The following PDE4B variants were observed in gnomAD, a reference collection of about 807,000 sequenced individuals.
PDE4B encodes the protein phosphodiesterase 4B, also known as 3',5'-cyclic-AMP phosphodiesterase 4B.
In PDE4B, 20 loss-of-function variants were observed where a neutral mutation model predicts 82.2. That is an observed-to-expected ratio of 0.24 (90% CI 0.17 to 0.35). The LOEUF (loss-of-function observed/expected upper bound fraction) is 0.35, where lower values mean the gene tolerates loss of function less well. Among genes scored for constraint, PDE4B ranks in the 10% least tolerant of loss-of-function variants. The probability of loss-of-function intolerance (pLI) is 1.00; values close to 1 mark genes in which losing one functional copy is unlikely to be tolerated. For synonymous variants in PDE4B, 320 were observed against 318.9 expected (o/e 1.00, Z -0.04); for missense variants, 655 against 907.2 (o/e 0.72, Z 3.57).
At chr1:66,346,178 T>A (rs949060621) in intron 8 of PDE4B, among the ~76,000 whole-genome samples, 11 of 152,342 alleles carry the variant, frequency 7.2e-5, no homozygotes, top group Admixed American at 7.2e-4. Context: ...TGGTTATGTT[T>A]TTCATTCCTG....
intron 3 of PDE4B, among the ~76,000 whole-genome samples, chr1:65,931,643 C>T (rs1647839907): frequency 6.6e-6 from 1 of 152,212 alleles, no homozygotes; most frequent in Non-Finnish European, 1.5e-5. Context: ...CAACAACTCA[C>T]AGACAAATTC....
rs146635328 is a variant in PDE4B at position 66,281,341 on chromosome 1, G to A, written c.634+15254G>A. Among the ~76,000 whole-genome samples, 221 of 152,284 alleles carry A rather than the reference G, an allele frequency of 1.5e-3. 1 individual carries two copies. The highest frequency in any genetic ancestry group is 5.1e-3 in the African/African-American group (213 of 41,544). On this transcript the variant is annotated intron_variant, in intron 7 of 16. Coordinates refer to ENST00000341517, the MANE Select transcript of PDE4B (RefSeq NM_002600.4). ...TTACCTTTTCTCCCTTCTGTGCTGC[G>A]AGAGCAGAGGGCAAAGACAAGTAAC...
chr1:66,261,747 G>A lies in PDE4B; in HGVS notation c.584+3884G>A, dbSNP rs955624298. 4.6e-5 allele frequency among the ~76,000 whole-genome samples: 7 copies of A among 152,316 alleles called. No homozygotes were observed. The East Asian group carries it at 1.4e-3, about 29-fold the overall frequency. On this transcript the variant is annotated intron_variant, in intron 6 of 16. Coordinates refer to ENST00000341517, the MANE Select transcript of PDE4B (RefSeq NM_002600.4). ...TTGCACCTTCATGAAATATCCCATT[G>A]AGGGATGCTTGATTGGACCTGTATT... is the stretch of plus-strand genomic sequence containing the variant.
At chr1:66,125,165 CTTT>C (rs60294490) in intron 3 of PDE4B, among the ~76,000 whole-genome samples, 30 of 103,488 alleles carry the variant, frequency 2.9e-4, no homozygotes, top group South Asian at 3.3e-4. Flanking sequence ...CATACTATTC[CTTT>C]TTTTTTTTTT....
At chr1:66,105,346 T>C (rs1425755449) in intron 3 of PDE4B, among the ~76,000 whole-genome samples, 3 of 151,836 alleles carry the variant, frequency 2.0e-5, no homozygotes, top group East Asian at 1.9e-4. Flanking sequence ...ACTGTAGCCT[T>C]GTAGTATAGT....
At position 66,292,224 on chromosome 1, in the gene PDE4B, T is replaced by C. The variant is rs569259920; in HGVS notation, c.634+26137T>C. ...TTAACAGGCTTGACTATCACTACAA[T>C]AGTAATAATAGCCAATAGTTGGTGA... On this transcript the variant is annotated intron_variant, in intron 7 of 16. Coordinates refer to ENST00000341517, the MANE Select transcript of PDE4B (RefSeq NM_002600.4). 1.1e-4 allele frequency among the ~76,000 whole-genome samples: 17 copies of C among 152,344 alleles called. No homozygotes were observed. The East Asian group carries it at 3.1e-3, about 28-fold the overall frequency.
At chr1:66,270,224 G>A (rs1655365423) in intron 7 of PDE4B, among the ~76,000 whole-genome samples, 1 of 152,214 alleles carries the variant, frequency 6.6e-6, no homozygotes, top group Non-Finnish European at 1.5e-5. Context: ...ACTGTGTTCA[G>A]AGAAATCGTA....
intron 8 of PDE4B, among the ~76,000 whole-genome samples, chr1:66,353,592 C>CA (rs973215015): frequency 2.0e-5 from 3 of 151,908 alleles, no homozygotes; most frequent in Middle Eastern, 3.2e-3. Flanking sequence ...GGTAGGGTAA[C>CA]AGAGGGGAAA....
intron 3 of PDE4B, among the ~76,000 whole-genome samples, chr1:66,179,041 G>A (rs1205076245): frequency 1.3e-5 from 2 of 152,022 alleles, no homozygotes; most frequent in African/African-American, 4.8e-5. Flanking sequence ...TAGTAGAGAC[G>A]AGGTTTCACC....
intron 6 of PDE4B, among the ~76,000 whole-genome samples, chr1:66,264,487 T>A (rs1283020675): frequency 6.6e-6 from 1 of 152,146 alleles, no homozygotes; most frequent in Non-Finnish European, 1.5e-5. Flanking sequence ...GTGATAATAC[T>A]CCCAGTGGAA....
intron 3 of PDE4B, among the ~76,000 whole-genome samples, chr1:66,040,486 G>A (rs898665327): frequency 8.6e-5 from 13 of 151,948 alleles, no homozygotes; most frequent in Non-Finnish European, 2.9e-5. Context: ...AAAATGACAG[G>A]TGACACTTCT....
chr1:66,287,532 G>T (rs559311119), intron 7 of PDE4B, among the ~76,000 whole-genome samples: 123 of 152,278 alleles, frequency 8.1e-4, no homozygotes, highest in Non-Finnish European at 1.1e-3. Flanking sequence ...TAAAGGAGCT[G>T]AGAGGTTGAC....
At chr1:66,263,554 T>C (rs1654833507) in intron 6 of PDE4B, among the ~76,000 whole-genome samples, 1 of 152,172 alleles carries the variant, frequency 6.6e-6, no homozygotes, top group African/African-American at 2.4e-5. Flanking sequence ...TGCCAGGCAA[T>C]ATGGCGGGAC....
chr1:65,990,778 C>G lies in PDE4B; in HGVS notation c.281+71943C>G, dbSNP rs369684944. On this transcript the variant is annotated intron_variant, in intron 3 of 16. Transcript: ENST00000341517. ...ATTTTAGGTAAGTTGCTTAAATTCTCTAGCTCTGTTACCTTGTCTTTGGAA... is the reference window on the plus strand; with the variant it reads ...ATTTTAGGTAAGTTGCTTAAATTCTGTAGCTCTGTTACCTTGTCTTTGGAA... 2.6e-5 allele frequency among the ~76,000 whole-genome samples: 4 copies of G among 152,282 alleles called. 1 individual carries two copies. The East Asian group carries it at 5.8e-4, about 22-fold the overall frequency.
intron 3 of PDE4B, among the ~76,000 whole-genome samples, chr1:65,973,135 A>C (rs1371779474): frequency 2.0e-5 from 3 of 152,196 alleles, no homozygotes; most frequent in Non-Finnish European, 2.9e-5. Flanking sequence ...TTGGGAAGAC[A>C]CACAGAATTA....
At chr1:66,172,061 A>T (rs1646847651) in intron 3 of PDE4B, among the ~76,000 whole-genome samples, 1 of 152,132 alleles carries the variant, frequency 6.6e-6, no homozygotes. Flanking sequence ...TCATGCAGGT[A>T]ATGAGTATAG....
intron 3 of PDE4B, among the ~76,000 whole-genome samples, chr1:66,121,755 C>T (rs1057110421): frequency 1.3e-5 from 2 of 152,216 alleles, no homozygotes; most frequent in Admixed American, 1.3e-4. Flanking sequence ...TCTGCTATAA[C>T]TTCGTATCCT....
intron 1 of PDE4B, among the ~76,000 whole-genome samples, chr1:65,842,596 A>T (rs1646220013): frequency 6.6e-6 from 1 of 152,152 alleles, no homozygotes; most frequent in Admixed American, 6.6e-5. Context: ...TATAATGTTC[A>T]TCCGACTTGT....
At chr1:66,205,817 C>A (rs1649499302) in intron 3 of PDE4B, among the ~76,000 whole-genome samples, 1 of 152,138 alleles carries the variant, frequency 6.6e-6, no homozygotes, top group South Asian at 2.1e-4. Flanking sequence ...CCTCTCTAGC[C>A]AGATTTTAAA....
Sources: gnomAD v4.1 joint callset for allele counts (sites outside exome capture counted in the v4.1 genomes callset) on GRCh38, gnomAD v4.1.1 for gene constraint, MANE v1.5 for transcripts, NCBI Gene and HGNC (gene_info 2026-07-23, HGNC 2026-07-21) for gene names.